Variants in ESRRG observed in about 807,000 individuals in gnomAD.
ESRRG encodes the protein estrogen related receptor gamma.
Under a neutral mutation model 44.0 loss-of-function variants are expected in ESRRG, and 13 were observed. The ratio of observed to expected loss-of-function variants is 0.30; its 90% CI spans 0.19 to 0.47. The LOEUF (loss-of-function observed/expected upper bound fraction) is 0.47, where lower values mean the gene tolerates loss of function less well. ESRRG is among the 20% of genes least tolerant of loss of function. The pLI is 1.00. For missense variants in ESRRG, 395 were observed against 580.6 expected, an observed-to-expected ratio of 0.68 and a Z score of 3.29; for synonymous variants, 215 against 214.6, an observed-to-expected ratio of 1.00 and a Z score of -0.02.
chr1:216,882,343 T>C (rs1308067539), intron 2 of ESRRG, among the ~76,000 whole-genome samples: 1 of 152,206 alleles, frequency 6.6e-6, no homozygotes, highest in Non-Finnish European at 1.5e-5. Context: ...GAACAAGGTG[T>C]AAATTCCTTG....
chr1:216,588,219 G>A (rs574147734), intron 3 of ESRRG, among the ~76,000 whole-genome samples: 2 of 152,104 alleles, frequency 1.3e-5, no homozygotes, highest in African/African-American at 4.8e-5. Context: ...TGATAATTAG[G>A]GATTTCCCAT....
chr1:216,822,234 T>C (rs1167424472), intron 2 of ESRRG, among the ~76,000 whole-genome samples: 1 of 152,180 alleles, frequency 6.6e-6, no homozygotes, highest in Non-Finnish European at 1.5e-5. Flanking sequence ...CAAGTAGCTG[T>C]TCTAAAAGTC....
chr1:216,817,819 A>G (rs979455062), intron 2 of ESRRG, among the ~76,000 whole-genome samples: 1 of 152,228 alleles, frequency 6.6e-6, no homozygotes, highest in Non-Finnish European at 1.5e-5. Flanking sequence ...CGGCAAAGCC[A>G]AATTCCTAGC....
At chr1:216,676,591 C>T (rs2076151852) in intron 2 of ESRRG, among the ~76,000 whole-genome samples, 1 of 152,166 alleles carries the variant, frequency 6.6e-6, no homozygotes, top group Non-Finnish European at 1.5e-5. Context: ...GCCCCCACCC[C>T]AGATCTAATG....
Position 216,801,063 on chromosome 1 carries a change from C to A in ESRRG, c.-13-123572G>T, listed in dbSNP as rs143991850. Among the ~76,000 whole-genome samples the A allele has an allele frequency of 4.6e-5, 7 of 152,084 alleles. No homozygotes were observed. The East Asian group carries it at 1.4e-3, about 29-fold the overall frequency. ...TAGTGAAATGGTTACCATAATGGAG[C>A]AAATTAACATATCCCTCATCTCACA... On this transcript the variant is annotated intron_variant, in intron 2 of 7. Coordinates refer to the ESRRG transcript ENST00000359162.
intron 1 of ESRRG, among the ~76,000 whole-genome samples, chr1:216,976,286 ATGTGTGTGTGTGTG>A (rs61142800): frequency 0.017 from 2,468 of 146,966 alleles, 34 homozygotes; most frequent in East Asian, 0.051. Flanking sequence ...ATGCTCCTAA[ATGTGTGTGTGTGTG>A]TGTGTGTGTG....
intron 2 of ESRRG, among the ~76,000 whole-genome samples, chr1:216,739,273 A>T (rs1017539238): frequency 1.3e-5 from 2 of 152,162 alleles, no homozygotes; most frequent in African/African-American, 4.8e-5. Context: ...TGAAAAAAAA[A>T]AAAAAGTTCC....
intron 1 of ESRRG, among the ~76,000 whole-genome samples, chr1:216,986,259 T>C (rs192516619): frequency 6.6e-6 from 1 of 152,286 alleles, no homozygotes; most frequent in Admixed American, 6.5e-5. Flanking sequence ...CAATCACATA[T>C]ACTTAAATTA....
At chr1:216,614,054 A>G (rs182263274) in intron 3 of ESRRG, among the ~76,000 whole-genome samples, 1 of 152,286 alleles carries the variant, frequency 6.6e-6, no homozygotes, top group East Asian at 1.9e-4. Context: ...ACCCTGCTTT[A>G]CAAAAACACA....
intron 1 of ESRRG, among the ~76,000 whole-genome samples, chr1:216,695,600 C>T (rs2079988938): frequency 6.6e-6 from 1 of 152,068 alleles, no homozygotes; most frequent in South Asian, 2.1e-4. Context: ...ATGTCAGCTA[C>T]TTAATAAATG....
At chr1:216,820,456 C>A (rs1279174269) in intron 2 of ESRRG, among the ~76,000 whole-genome samples, 1 of 152,154 alleles carries the variant, frequency 6.6e-6, no homozygotes. Flanking sequence ...TATGTCAGAG[C>A]AAACTCCTCA....
At chr1:217,068,904 G>T (rs2090165531) in intron 1 of ESRRG, among the ~76,000 whole-genome samples, 1 of 152,116 alleles carries the variant, frequency 6.6e-6, no homozygotes, top group Admixed American at 6.5e-5. Context: ...CATTTAAAAA[G>T]AATAATTGGG....
intron 2 of ESRRG, among the ~76,000 whole-genome samples, chr1:216,857,573 C>T (rs2095971359): frequency 6.6e-6 from 1 of 151,724 alleles, no homozygotes; most frequent in South Asian, 2.1e-4. Flanking sequence ...TTTAAAAATG[C>T]ACACAATATA....
intron 5 of ESRRG, among the ~76,000 whole-genome samples, chr1:216,547,463 T>G (rs2149344092): frequency 1.3e-5 from 2 of 151,620 alleles, no homozygotes; most frequent in South Asian, 4.2e-4. Context: ...TGCTATCAAG[T>G]ATTTAAAACT....
chr1:217,033,901 C>T (rs1046284868), intron 1 of ESRRG, among the ~76,000 whole-genome samples: 2 of 152,154 alleles, frequency 1.3e-5, no homozygotes, highest in South Asian at 2.1e-4. Flanking sequence ...AGTTTAAATA[C>T]GTTCGTTAAA....
intron 5 of ESRRG, among the ~76,000 whole-genome samples, chr1:216,525,206 T>C (rs77807503): frequency 0.035 from 5,393 of 152,248 alleles, 306 homozygotes; most frequent in African/African-American, 0.12. Flanking sequence ...GTTTTGTTTT[T>C]TTCCTGTGAG....
intron 1 of ESRRG, among the ~76,000 whole-genome samples, chr1:217,088,395 TGTC>T (rs2092216905): frequency 7.8e-6 from 1 of 128,654 alleles, no homozygotes; most frequent in Non-Finnish European, 1.6e-5. Context: ...CTTTTTTTCC[TGTC>T]TTTTTTTTTT....
intron 3 of ESRRG, among the ~76,000 whole-genome samples, chr1:216,619,370 C>A (rs1195390810): frequency 1.3e-5 from 2 of 152,138 alleles, no homozygotes; most frequent in Non-Finnish European, 2.9e-5. Context: ...ATATTGGGGG[C>A]CACCTTCATT....
chr1:216,799,319 G>A (rs1046300102), intron 2 of ESRRG, among the ~76,000 whole-genome samples: 9 of 152,144 alleles, frequency 5.9e-5, no homozygotes, highest in African/African-American at 1.7e-4. Flanking sequence ...TTTCAGAATG[G>A]TCCTGTCTTG....
Sources: allele counts gnomAD v4.1 joint callset (sites outside exome capture counted in the v4.1 genomes callset), GRCh38; gene constraint gnomAD v4.1.1; transcripts MANE v1.5; gene names NCBI Gene and HGNC (gene_info 2026-07-23, HGNC 2026-07-21).